The following NEGR1 variants were observed in gnomAD, a reference collection of about 807,000 sequenced individuals.
NEGR1 encodes neuronal growth regulator 1, also known as IgLON family member 4.
Under a neutral mutation model 40.9 loss-of-function variants are expected in NEGR1, and 10 were observed. The ratio of observed to expected loss-of-function variants is 0.24; its 90% confidence interval spans 0.15 to 0.42. The LOEUF (loss-of-function observed/expected upper bound fraction) is 0.42, where lower values mean the gene tolerates loss of function less well. Ranked by LOEUF, NEGR1 falls within the 10% of genes least tolerant of loss-of-function variation. NEGR1 has a pLI of 1.00. For synonymous variants in NEGR1, 185 were observed against 166.8 expected (o/e 1.11, Z -0.84); for missense variants, 352 against 438.9 (o/e 0.80, Z 1.77).
At chr1:71,919,574 CA>C (rs1381491465) in intron 2 of NEGR1, among the ~76,000 whole-genome samples, 3 of 148,818 alleles carry the variant, frequency 2.0e-5, no homozygotes, top group Non-Finnish European at 3.0e-5. Context: ...GGAGAAGTAT[CA>C]AAAAGTACCA....
chr1:71,527,433 A>T (rs909796672), intron 6 of NEGR1, among the ~76,000 whole-genome samples: 1 of 150,700 alleles, frequency 6.6e-6, no homozygotes, highest in Non-Finnish European at 1.5e-5. Flanking sequence ...CCATCCATCC[A>T]TCCATCCATC....
chr1:72,246,804 T>G (rs1462509176), intron 1 of NEGR1, among the ~76,000 whole-genome samples: 1 of 152,178 alleles, frequency 6.6e-6, no homozygotes, highest in Non-Finnish European at 1.5e-5. Context: ...TACGCAGCCA[T>G]CTATGAGGGC....
intron 2 of NEGR1, among the ~76,000 whole-genome samples, chr1:71,926,286 A>G (rs546266908): frequency 1.3e-5 from 2 of 151,936 alleles, no homozygotes; most frequent in East Asian, 3.9e-4. Context: ...TTTCTTATAT[A>G]TCCTATTCCC....
intron 6 of NEGR1, among the ~76,000 whole-genome samples, chr1:71,572,688 C>G (rs1001246342): frequency 3.3e-5 from 5 of 152,152 alleles, no homozygotes; most frequent in African/African-American, 1.2e-4. Flanking sequence ...GTTTATTTTG[C>G]AAATGCGTAA....
In NEGR1 at chr1:71,770,419, A is replaced by G. The variant is rs370183849; in HGVS notation, c.535+5753T>C. On this transcript the variant is annotated intron_variant, in intron 3 of 6. Transcript: ENST00000357731. Reference sequence around the variant, plus strand: ...GGTTTAGAAGAATATCACAGGAAGTAGCCTAGACTTCTGAGTCTTTGATAA... The same window carrying G: ...GGTTTAGAAGAATATCACAGGAAGTGGCCTAGACTTCTGAGTCTTTGATAA... Among the ~76,000 whole-genome samples, 89 of 152,336 alleles carry G rather than the reference A, an allele frequency of 5.8e-4. 1 individual carries two copies. In the South Asian group the frequency reaches 0.016, roughly 28 times the overall value.
chr1:71,796,437 A>G (rs554687387), intron 2 of NEGR1, among the ~76,000 whole-genome samples: 2 of 152,318 alleles, frequency 1.3e-5, no homozygotes, highest in African/African-American at 4.8e-5. Flanking sequence ...TAATCGAGAA[A>G]CAGGTTTTGA....
intron 1 of NEGR1, among the ~76,000 whole-genome samples, chr1:72,133,564 TGTTA>T (rs925131738): frequency 3.9e-5 from 6 of 151,976 alleles, no homozygotes; most frequent in African/African-American, 1.4e-4. Flanking sequence ...AATAGTAACT[TGTTA>T]ATTAAAAAAG....
chr1:71,411,575 T>G (rs1646321391), intron 6 of NEGR1, among the ~76,000 whole-genome samples: 1 of 152,162 alleles, frequency 6.6e-6, no homozygotes. Flanking sequence ...TGATCAGAGA[T>G]GTATCTGGGC....
chr1:71,632,786 G>T (rs1355071096), intron 4 of NEGR1, among the ~76,000 whole-genome samples: 1 of 151,826 alleles, frequency 6.6e-6, no homozygotes. Flanking sequence ...ATAAATATTT[G>T]TCATCTGACT....
chr1:71,773,002 A>G (rs1190001580), intron 3 of NEGR1, among the ~76,000 whole-genome samples: 2 of 152,228 alleles, frequency 1.3e-5, no homozygotes, highest in African/African-American at 4.8e-5. Context: ...AAGGAAGCTC[A>G]CATATCCAGA....
intron 2 of NEGR1, among the ~76,000 whole-genome samples, chr1:71,805,372 C>T (rs186389359): frequency 5.4e-4 from 82 of 152,226 alleles, no homozygotes; most frequent in African/African-American, 1.9e-3. Flanking sequence ...GCTGGTTTTA[C>T]GGCTCAGGGG....
intron 6 of NEGR1, among the ~76,000 whole-genome samples, chr1:71,438,616 G>T (rs1248436590): frequency 2.0e-5 from 3 of 152,148 alleles, no homozygotes; most frequent in African/African-American, 2.4e-5. Flanking sequence ...ATAGCATTTT[G>T]TATTTGTTTA....
At chr1:71,816,499 A>T (rs1229114211) in intron 2 of NEGR1, among the ~76,000 whole-genome samples, 1 of 152,044 alleles carries the variant, frequency 6.6e-6, no homozygotes, top group Non-Finnish European at 1.5e-5. Context: ...TAAGCAAGCG[A>T]GCTTGTGCAG....
rs142640553 is a variant in NEGR1 at position 72,169,883 on chromosome 1, T to C, written c.176+112436A>G. Among the ~76,000 whole-genome samples the C allele has an allele frequency of 2.3e-4, 35 of 152,260 alleles. No individual in the cohort carries two copies. The East Asian group carries it at 6.0e-3, about 26-fold the overall frequency. The stretch of plus-strand genomic sequence containing the variant: ...ACAAATGAAAGACTTAACACACTAA[T>C]GTTCTGTGGAAAATGAGTAAGATAT... On this transcript the variant is annotated intron_variant, in intron 1 of 6. Transcript: ENST00000357731.
rs191815734 is a variant in NEGR1, at chr1:72,079,816, C to T, written c.177-144505G>A. Among the ~76,000 whole-genome samples the T allele has an allele frequency of 1.7e-3, 256 of 152,092 alleles. 1 individual carries two copies. The highest frequency in any genetic ancestry group is 6.1e-3 in the African/African-American group (252 of 41,542). ...ATTTAAAAGTGTTCTATAATAGTTT[C>T]AAGTGAAAAATGTTTTACTCATTTT... On this transcript the variant is annotated intron_variant, in intron 1 of 6. Transcript: ENST00000357731.
At chr1:71,637,895 T>C (rs1651211602) in intron 4 of NEGR1, among the ~76,000 whole-genome samples, 1 of 152,020 alleles carries the variant, frequency 6.6e-6, no homozygotes, top group Admixed American at 6.6e-5. Context: ...GCAATGATAA[T>C]TAATCTATAC....
chr1:72,199,607 G>A (rs903235593), intron 1 of NEGR1, among the ~76,000 whole-genome samples: 1 of 151,894 alleles, frequency 6.6e-6, no homozygotes, highest in Non-Finnish European at 1.5e-5. Flanking sequence ...GTGCATCCAT[G>A]AAATCATAGA....
rs536850119 is a variant in NEGR1 at position 71,816,256 on chromosome 1, C to T, written c.410-39959G>A. 2.4e-4 allele frequency among the ~76,000 whole-genome samples: 36 copies of T among 152,106 alleles called. No individual in the cohort carries two copies. In the South Asian group the frequency reaches 6.4e-3, roughly 27 times the overall value. On this transcript the variant is annotated intron_variant, in intron 2 of 6. Coordinates refer to ENST00000357731, the MANE Select transcript of NEGR1 (RefSeq NM_173808.3). ...TTAACAATTACATGTCTTCTTTTCC[C>T]TCAAACTTTCTGTATGATTCCCCTC...
In NEGR1 at chr1:72,110,218, TAATA is replaced by T. The variant is rs1649301209; in HGVS notation, c.176+172097_176+172100del. 7.6e-5 allele frequency among the ~76,000 whole-genome samples: 3 copies of T among 39,380 alleles called. No homozygotes were observed. The South Asian group carries it at 1.8e-3, about 24-fold the overall frequency. The allele number at this position is 39,380 out of a possible 152,430, so 25.8% of individuals were successfully genotyped here. ...CACATGTACCCTAAAACTTAGAGTA[TAATA>T]AAAAAAAAAAAAAAAAAAAAGAATT... On this transcript the variant is annotated intron_variant, in intron 1 of 6. Coordinates refer to ENST00000357731, the MANE Select transcript of NEGR1 (RefSeq NM_173808.3).
Sources: gnomAD v4.1 joint callset for allele counts (sites outside exome capture counted in the v4.1 genomes callset) on GRCh38, gnomAD v4.1.1 for gene constraint, MANE v1.5 for transcripts, NCBI Gene and HGNC (gene_info 2026-07-23, HGNC 2026-07-21) for gene names.